The following KIT variants were observed in gnomAD, a reference collection of about 807,000 sequenced individuals.
KIT encodes KIT proto-oncogene, receptor tyrosine kinase, also known as mast/stem cell growth factor receptor Kit.
Under a neutral mutation model 105.7 loss-of-function variants are expected in KIT, and 16 were observed. The observed-to-expected ratio is 0.15, with a 90% CI of 0.10 to 0.23. The LOEUF (loss-of-function observed/expected upper bound fraction) is 0.23. KIT is among the 10% of genes least tolerant of loss of function. KIT has a pLI of 1.00. For synonymous variants in KIT, 438 were observed against 441.1 expected, an observed-to-expected ratio of 0.99 and a Z score of 0.09; for missense variants, 858 against 1,213.8, an observed-to-expected ratio of 0.71 and a Z score of 4.36.
intron 15 of KIT, 36 bp from the exon 16 acceptor site, chr4:54,731,835 T>C (rs1352469577): frequency 3.8e-5 from 61 of 1,610,526 alleles, no homozygotes; most frequent in Non-Finnish European, 4.8e-5. Flanking sequence ...ACCTTTATGG[T>C]TGTAATTGCT....
intron 1 of KIT, among the ~76,000 whole-genome samples, chr4:54,667,872 T>C (rs902261989): frequency 1.3e-5 from 2 of 152,194 alleles, no homozygotes; most frequent in South Asian, 4.1e-4. Flanking sequence ...AGTATGGATA[T>C]GTATTTTGAG....
chr4:54,710,802 A>G (rs1258959416), intron 7 of KIT, among the ~76,000 whole-genome samples: 2 of 152,110 alleles, frequency 1.3e-5, no homozygotes, highest in Admixed American at 6.5e-5. Flanking sequence ...CAGCCTCCCA[A>G]AGTGCTGGGA....
At position 54,731,784 on chromosome 4, in the gene KIT, C is replaced by T. The variant is rs138069735; in HGVS notation, c.2234-87C>T. On this transcript the variant is annotated intron_variant, in intron 15 of 20. Coordinates refer to ENST00000288135, the MANE Select transcript of KIT (RefSeq NM_000222.3). ...AAGTTCACATTAGTTCATTCATTAC[C>T]AGCCTTTGGTATGTCATTGCCACTG... 2.9e-3 allele frequency: 4,029 copies of T among 1,393,508 alleles called. 13 individuals carry two copies. Among genetic ancestry groups the T allele is most frequent in the South Asian group, 8.4e-3 (723 of 86,336 alleles). 86.3% of individuals were successfully genotyped at this position (1,393,508 alleles called of 1,614,324 possible). A position where few individuals can be genotyped will look rare whatever the true frequency, so the allele number is the denominator to read the frequency against.
At chr4:54,731,754 C>T in intron 15 of KIT, 117 bp from the exon 16 acceptor site, 1 of 1,048,026 alleles carries the variant, frequency 9.5e-7, no homozygotes, top group Non-Finnish European at 1.5e-6. Flanking sequence ...AAGTGATCTG[C>T]CTGCAAGTTC....
chr4:54,692,413 G>C (rs1282257224), intron 1 of KIT, among the ~76,000 whole-genome samples: 1 of 152,160 alleles, frequency 6.6e-6, no homozygotes, highest in Non-Finnish European at 1.5e-5. Flanking sequence ...AGGGTGATAT[G>C]CCTATGTCAC....
intron 6 of KIT, among the ~76,000 whole-genome samples, chr4:54,708,206 A>G (rs1720913062): frequency 6.6e-6 from 1 of 152,116 alleles, no homozygotes; most frequent in African/African-American, 2.4e-5. Flanking sequence ...TTTCTGAGGA[A>G]AGACAGTGAC....
At chr4:54,709,769 G>T (rs1193589616) in intron 7 of KIT, among the ~76,000 whole-genome samples, 8 of 152,178 alleles carry the variant, frequency 5.3e-5, no homozygotes, top group Non-Finnish European at 1.2e-4. Context: ...AATTCTGCGT[G>T]CTGCCTTTGA....
At chr4:54,675,266 T>C (rs1010492596) in intron 1 of KIT, among the ~76,000 whole-genome samples, 2 of 152,236 alleles carry the variant, frequency 1.3e-5, no homozygotes, top group Non-Finnish European at 2.9e-5. Flanking sequence ...GATTTCTCAA[T>C]AGACATACTG....
chr4:54,725,306 T>C (rs1055054415), intron 8 of KIT, among the ~76,000 whole-genome samples: 6 of 152,172 alleles, frequency 3.9e-5, no homozygotes, highest in Admixed American at 3.9e-4. Context: ...GGTTTCACCA[T>C]GTTGGCCAGT....
Position 54,694,619 on chromosome 4 carries a change from A to G in KIT, c.68-893A>G, listed in dbSNP as rs562768745. Among the ~76,000 whole-genome samples, 221 of 152,156 alleles carry G rather than the reference A, an allele frequency of 1.5e-3. 2 individuals are homozygous for G. Among genetic ancestry groups the G allele is most frequent in the African/African-American group, 4.9e-3 (205 of 41,512 alleles). ...GGTCTCGAACTCCTAGGCTCAAGCA[A>G]TCTTCCCACCTCAGCCTCCCAGAGT... On this transcript the variant is annotated intron_variant, in intron 1 of 20. Coordinates refer to ENST00000288135, the MANE Select transcript of KIT (RefSeq NM_000222.3).
At chr4:54,685,919 A>G (rs2109624234) in intron 1 of KIT, among the ~76,000 whole-genome samples, 1 of 152,314 alleles carries the variant, frequency 6.6e-6, no homozygotes, top group South Asian at 2.1e-4. Context: ...TCAGTTCTAC[A>G]TAATACTCTG....
intron 1 of KIT, among the ~76,000 whole-genome samples, chr4:54,666,248 T>TA (rs1717677986): frequency 6.6e-6 from 1 of 152,000 alleles, no homozygotes; most frequent in South Asian, 2.1e-4. Flanking sequence ...CAGAAGGAAA[T>TA]TGAAAATTTT....
chr4:54,727,351 G>A (rs1722292853), intron 10 of KIT, 27 bp downstream of exon 10: 1 of 1,613,228 alleles, frequency 6.2e-7, no homozygotes, highest in African/African-American at 1.3e-5. Context: ...TCTCTCTCCA[G>A]AGTGCTCTAA....
chr4:54,664,889 GTT>G (rs35585711), intron 1 of KIT, among the ~76,000 whole-genome samples: 42 of 141,128 alleles, frequency 3.0e-4, no homozygotes, highest in East Asian at 1.7e-3. Flanking sequence ...CACCTGGCCT[GTT>G]TTTTTTTTTT....
chr4:54,704,714 A>G (rs983591927), intron 5 of KIT, among the ~76,000 whole-genome samples: 1 of 152,140 alleles, frequency 6.6e-6, no homozygotes, highest in African/African-American at 2.4e-5. Context: ...TTTGAATTTA[A>G]TCCATTTTTC....
At chr4:54,667,720 C>A (rs918116526) in intron 1 of KIT, among the ~76,000 whole-genome samples, 1 of 149,206 alleles carries the variant, frequency 6.7e-6, no homozygotes, top group Non-Finnish European at 1.5e-5. Flanking sequence ...GAAGTCTTTC[C>A]TGCAGTGCTA....
intron 1 of KIT, among the ~76,000 whole-genome samples, chr4:54,687,233 T>C (rs1577940522): frequency 6.6e-6 from 1 of 152,122 alleles, no homozygotes; most frequent in Middle Eastern, 3.4e-3. Context: ...AGGTCAAAAG[T>C]TCGAGACCAG....
intron 6 of KIT, among the ~76,000 whole-genome samples, chr4:54,709,073 C>T (rs1308160154): frequency 3.3e-5 from 5 of 151,672 alleles, no homozygotes; most frequent in Admixed American, 6.6e-5. Context: ...AGAGCAGGCT[C>T]CTGCAGCACC....
At chr4:54,691,606 A>C (rs1474010124) in intron 1 of KIT, among the ~76,000 whole-genome samples, 1 of 152,140 alleles carries the variant, frequency 6.6e-6, no homozygotes, top group Non-Finnish European at 1.5e-5. Flanking sequence ...ACCCCATGGC[A>C]GTTCCTTTAA....
Sources: allele counts gnomAD v4.1 joint callset (sites outside exome capture counted in the v4.1 genomes callset), GRCh38; gene constraint gnomAD v4.1.1; transcripts MANE v1.5; gene names NCBI Gene and HGNC (gene_info 2026-07-23, HGNC 2026-07-21).